FBXO31: variants seen among roughly 807,000 people sequenced by gnomAD.
FBXO31 encodes the protein F-box protein 31.
FBXO31 carries 24 observed loss-of-function variants against 54.4 expected under a neutral mutation model. The ratio of observed to expected loss-of-function variants is 0.44; its 90% CI spans 0.32 to 0.62. FBXO31 has a LOEUF of 0.62. FBXO31 is among the 20% of genes least tolerant of loss of function. FBXO31 has a pLI of 0.05. For synonymous variants in FBXO31, 388 were observed against 335.6 expected (o/e 1.16, Z -1.71); for missense variants, 665 against 787.1 (o/e 0.84, Z 1.86).
At chr16:87,359,132 G>A (rs1175580039) in intron 2 of FBXO31, among the ~76,000 whole-genome samples, 2 of 152,256 alleles carry the variant, frequency 1.3e-5, no homozygotes, top group Non-Finnish European at 2.9e-5. Flanking sequence ...GGCCACTGCA[G>A]ACTAACACTG....
At chr16:87,385,461 A>T (rs539231652), upstream of FBXO31, among the ~76,000 whole-genome samples, 1 of 147,080 alleles carries the variant, frequency 6.8e-6, no homozygotes, top group South Asian at 2.1e-4. Flanking sequence ...CTGTCTCAAA[A>T]AAAAAAAAAA....
intron 2 of FBXO31, among the ~76,000 whole-genome samples, chr16:87,350,500 C>G (rs537405375): frequency 1.1e-4 from 16 of 152,276 alleles, no homozygotes; most frequent in African/African-American, 3.6e-4. Context: ...GGTGTGTGAT[C>G]AGGAACCATA....
rs1327059890 is a variant in FBXO31 at position 87,358,454 on chromosome 16, G to C, written c.412+1841C>G. On this transcript the variant is annotated intron_variant, in intron 2 of 8. Coordinates refer to ENST00000311635, the MANE Select transcript of FBXO31 (RefSeq NM_024735.5). This position sits in a 1 kb window ranked among gnomAD's most constrained non-coding sequence, Gnocchi z 4.0. Reference sequence around the variant, plus strand: ...TGTACGCCATGTGCTCATAATCAGGGAGAATTTTCACAAAACGTCCCGACT... The same window carrying C: ...TGTACGCCATGTGCTCATAATCAGGCAGAATTTTCACAAAACGTCCCGACT... 1 of 152,644 alleles carries C rather than the reference G, an allele frequency of 6.6e-6. No individual in the cohort carries two copies. Among genetic ancestry groups the C allele is most frequent in the Admixed American group, 6.5e-5 (1 of 15,276 alleles). The allele number at this position is 152,644 out of a possible 1,614,324, so 9.5% of individuals were successfully genotyped here. A position where few individuals can be genotyped will look rare whatever the true frequency, so the allele number is the denominator to read the frequency against.
At chr16:87,375,299 G>A (rs963172051) in intron 1 of FBXO31, among the ~76,000 whole-genome samples, 8 of 150,732 alleles carry the variant, frequency 5.3e-5, no homozygotes, top group African/African-American at 7.3e-5. Context: ...AGAGCGAGAC[G>A]CCGTCTCAAA....
At chr16:87,353,905 C>G (rs1450486542) in intron 2 of FBXO31, among the ~76,000 whole-genome samples, 1 of 152,252 alleles carries the variant, frequency 6.6e-6, no homozygotes, top group Non-Finnish European at 1.5e-5. Flanking sequence ...CTCCAGCAGC[C>G]CTGGCAGACT....
At chr16:87,331,708 C>T (rs1314359789) in intron 8 of FBXO31, among the ~76,000 whole-genome samples, 198 bp from the exon 9 acceptor site, 2 of 152,222 alleles carry the variant, frequency 1.3e-5, no homozygotes, top group East Asian at 1.9e-4. Context: ...GAAGGGGTAG[C>T]TAAGGGCGCA....
At chr16:87,343,018 C>A in intron 4 of FBXO31, 67 bp from the exon 5 acceptor site, 1 of 1,391,586 alleles carries the variant, frequency 7.2e-7, no homozygotes. Flanking sequence ...ATCCCCCACC[C>A]CAGGCAGGTG....
intron 5 of FBXO31, among the ~76,000 whole-genome samples, chr16:87,339,551 G>A (rs528159308): frequency 1.4e-4 from 22 of 152,304 alleles, no homozygotes; most frequent in African/African-American, 4.8e-4. Context: ...GTACAGCACC[G>A]TCAGCAGCCC....
chr16:87,361,606 C>G (rs148144400), intron 1 of FBXO31, among the ~76,000 whole-genome samples: 3 of 152,360 alleles, frequency 2.0e-5, no homozygotes, highest in African/African-American at 7.2e-5. Flanking sequence ...ACGATGCGGT[C>G]AGGCTAGCCA....
rs1269055947 is a variant in FBXO31, at chr16:87,348,714, G to A, written c.413-1464C>T. On this transcript the variant is annotated intron_variant, in intron 2 of 8. Coordinates refer to ENST00000311635, the MANE Select transcript of FBXO31 (RefSeq NM_024735.5). ...AGGGCCCCTAACGGTGGGACAGAAA[G>A]TGCTGGGAGCCATCATATGAGGGCT... Among the ~76,000 whole-genome samples, 4 of 152,322 alleles carry A rather than the reference G, an allele frequency of 2.6e-5. No homozygotes were observed. The East Asian group carries it at 7.7e-4, about 29-fold the overall frequency.
chr16:87,384,600 G>A (rs1907260919), upstream of FBXO31, among the ~76,000 whole-genome samples: 1 of 152,220 alleles, frequency 6.6e-6, no homozygotes, highest in South Asian at 2.1e-4. Flanking sequence ...CCGCGAAGGC[G>A]TCCTCTCACC....
intron 1 of FBXO31, among the ~76,000 whole-genome samples, chr16:87,370,652 G>A (rs988525183): frequency 6.6e-6 from 1 of 152,190 alleles, no homozygotes; most frequent in Non-Finnish European, 1.5e-5. Flanking sequence ...GGCCCTGTGA[G>A]ACAGGCAGAG....
At chr16:87,351,760 G>A (rs1401065209) in intron 2 of FBXO31, among the ~76,000 whole-genome samples, 2 of 152,096 alleles carry the variant, frequency 1.3e-5, no homozygotes, top group South Asian at 2.1e-4. Context: ...TCCCAGCTAC[G>A]TGGGAGGCGG....
rs1214969500 is a variant in FBXO31, at chr16:87,333,751, T to A, written c.1397+135A>T. The A allele has an allele frequency of 3.0e-6, 4 of 1,353,404 alleles. No homozygotes were observed. In the East Asian group the frequency reaches 7.2e-5, roughly 24 times the overall value. 83.8% of individuals were successfully genotyped at this position (1,353,404 alleles called of 1,614,324 possible). ...TGGCCCAAGGGGTCAGAGGCCGCAC[T>A]CCTGTCCCAAAGCACCGGCTGCCGC... is the stretch of plus-strand genomic sequence containing the variant. On this transcript the variant is annotated intron_variant, in intron 8 of 8. Transcript: ENST00000311635.
chr16:87,354,035 C>A (rs1048900635), intron 2 of FBXO31, among the ~76,000 whole-genome samples: 1 of 152,252 alleles, frequency 6.6e-6, no homozygotes, highest in Non-Finnish European at 1.5e-5. Flanking sequence ...GCCTGCTCCG[C>A]GTTCACCTCC....
intron 8 of FBXO31, among the ~76,000 whole-genome samples, chr16:87,332,102 C>T (rs1365930377): frequency 6.6e-6 from 1 of 152,236 alleles, no homozygotes; most frequent in Admixed American, 6.5e-5. Flanking sequence ...AAGTAAGGGG[C>T]TGGCCTGGAA....
Position 87,360,365 on chromosome 16 carries a change from C to T in FBXO31, c.342G>A (p.Glu114=). Residue 114 remains glutamate (E), a splice_region_variant and synonymous_variant, in exon 2 of 9, where the codon GAG becomes GAA. Coordinates refer to ENST00000311635, the MANE Select transcript of FBXO31 (RefSeq NM_024735.5). ...TCCGCAAGTTTTCGCAAACACCATACTCTGTAACAAGAAACATTTGCAGAA... is the reference window on the plus strand; with the variant it reads ...TCCGCAAGTTTTCGCAAACACCATATTCTGTAACAAGAAACATTTGCAGAA... The part of the protein sequence containing the change: ...DTIWRRRCRE[E]YGVCENLRKL... The T allele has an allele frequency of 1.2e-6, 2 of 1,614,012 alleles. No individual in the cohort carries two copies. The highest frequency in any genetic ancestry group is 1.7e-6 in the Non-Finnish European group (2 of 1,179,964).
Position 87,346,067 on chromosome 16 carries a change from G to A in FBXO31, c.489+1107C>T, listed in dbSNP as rs1905372333. On this transcript the variant is annotated intron_variant, in intron 3 of 8. Coordinates refer to ENST00000311635, the MANE Select transcript of FBXO31 (RefSeq NM_024735.5). This position sits in a 1 kb window ranked among gnomAD's most constrained non-coding sequence, Gnocchi z 4.2. ...AGCGAAGCGTGACTCACAAAGCCAG[G>A]AAGAGAAAAGGAGGAATCAGGGCCT... is the stretch of plus-strand genomic sequence containing the variant. 6.6e-6 allele frequency among the ~76,000 whole-genome samples: 1 copy of A among 152,206 alleles called. No individual in the cohort carries two copies.
chr16:87,347,123 G>T (rs371719790), intron 3 of FBXO31, 51 bp downstream of exon 3: 1 of 1,519,472 alleles, frequency 6.6e-7, no homozygotes, highest in Non-Finnish European at 9.1e-7. Flanking sequence ...CTCCACGTAA[G>T]GCACCACTCC....
Sources: gnomAD v4.1 joint callset for allele counts (sites outside exome capture counted in the v4.1 genomes callset) on GRCh38, gnomAD v4.1.1 for gene constraint, Gnocchi (gnomAD v3.1) non-coding constraint, MANE v1.5 for transcripts, NCBI Gene and HGNC (gene_info 2026-07-23, HGNC 2026-07-21) for gene names.